ANKH: variants seen among roughly 807,000 people sequenced by gnomAD.
ANKH encodes mineralization regulator ANKH.
Under a neutral mutation model 49.0 loss-of-function variants are expected in ANKH, and 15 were observed. That is an observed-to-expected ratio of 0.31 (90% CI 0.20 to 0.47). ANKH has a LOEUF of 0.47. Ranked by LOEUF, ANKH falls within the 20% of genes least tolerant of loss-of-function variation. The pLI is 1.00. For synonymous variants in ANKH, 273 were observed against 260.0 expected (o/e 1.05, Z -0.48); for missense variants, 429 against 652.0 (o/e 0.66, Z 3.72).
rs555516269 is a variant in ANKH, at chr5:14,777,010, A to C, written c.97-7819T>G. On this transcript the variant is annotated intron_variant, in intron 1 of 11. Transcript: ENST00000284268. ...TAAAAACATATCTGGGGTCGGGTGC[A>C]GTGGCTCACGCCTGTAATCCCAGCA... is the stretch of plus-strand genomic sequence containing the variant. 2.0e-5 allele frequency among the ~76,000 whole-genome samples: 3 copies of C among 152,332 alleles called. No homozygotes were observed. In the South Asian group the frequency reaches 6.2e-4, roughly 32 times the overall value.
intron 8 of ANKH, among the ~76,000 whole-genome samples, chr5:14,721,704 G>A (rs1334043503): frequency 6.6e-6 from 1 of 152,128 alleles, no homozygotes; most frequent in Non-Finnish European, 1.5e-5. Context: ...GCCAAGGTGG[G>A]AGGATCACAA....
In ANKH at chr5:14,705,066, C is replaced by T. The variant is rs1333441758; in HGVS notation, c.*6131G>A. ...TTAGAGACGGGGTTTTGCTCTGTTG[C>T]TCAGGCTGGATTCCAACTCCTGTGC... On this transcript the variant is annotated 3_prime_UTR_variant, in exon 12 of 12. Transcript: ENST00000284268. 6.6e-6 allele frequency: 1 copy of T among 152,150 alleles called. No individual in the cohort carries two copies. The highest frequency in any genetic ancestry group is 1.5e-5 in the Non-Finnish European group (1 of 68,032). The allele number at this position is 152,150 out of a possible 1,614,324, so 9.4% of individuals were successfully genotyped here.
intron 8 of ANKH, among the ~76,000 whole-genome samples, chr5:14,733,551 T>A (rs1561029235): frequency 6.6e-6 from 1 of 152,222 alleles, no homozygotes; most frequent in Admixed American, 6.5e-5. Flanking sequence ...GATATGTTAC[T>A]TCATTAAACT....
At chr5:14,781,140 A>G (rs1365276895) in intron 1 of ANKH, among the ~76,000 whole-genome samples, 1 of 152,096 alleles carries the variant, frequency 6.6e-6, no homozygotes, top group African/African-American at 2.4e-5. Flanking sequence ...GCTTGGGTTA[A>G]ATTGGATCAT....
intron 4 of ANKH, among the ~76,000 whole-genome samples, chr5:14,755,137 A>G (rs1738846028): frequency 6.6e-6 from 1 of 152,174 alleles, no homozygotes; most frequent in South Asian, 2.1e-4. Context: ...TCTATGAAGA[A>G]ATCATTCTCC....
At chr5:14,824,137 T>C (rs918896121) in intron 1 of ANKH, among the ~76,000 whole-genome samples, 1 of 151,972 alleles carries the variant, frequency 6.6e-6, no homozygotes, top group African/African-American at 2.4e-5. Flanking sequence ...AACAATCTGT[T>C]CCCAGCAGGG....
chr5:14,830,529 G>C (rs185687328), intron 1 of ANKH, among the ~76,000 whole-genome samples: 16 of 151,762 alleles, frequency 1.1e-4, no homozygotes, highest in Non-Finnish European at 2.9e-5. Flanking sequence ...GTGTGTGTGT[G>C]TGTGTGTGTC....
intron 1 of ANKH, among the ~76,000 whole-genome samples, chr5:14,785,671 A>G (rs998914486): frequency 4.1e-4 from 62 of 152,342 alleles, no homozygotes; most frequent in African/African-American, 1.4e-3. Flanking sequence ...ATTTTAAAAC[A>G]TCATGTAGGA....
chr5:14,713,802 C>T lies in ANKH; in HGVS notation c.1142-135G>A. On this transcript the variant is annotated intron_variant, in intron 9 of 11. Transcript: ENST00000284268. This position sits in a 1 kb window ranked among gnomAD's most constrained non-coding sequence, Gnocchi z 4.4. ...GGCCTTGCTGTTGAGCCGCTGGCCA[C>T]CTCATCTTCCTGCCAGGGTTCCCCA... 1.6e-6 allele frequency: 2 copies of T among 1,263,868 alleles called. No individual in the cohort carries two copies. The highest frequency in any genetic ancestry group is 2.4e-5 in the East Asian group (1 of 42,474). 78.3% of individuals were successfully genotyped at this position (1,263,868 alleles called of 1,614,324 possible).
chr5:14,817,083 C>T (rs535731281), intron 1 of ANKH, among the ~76,000 whole-genome samples: 2 of 152,242 alleles, frequency 1.3e-5, no homozygotes, highest in African/African-American at 4.8e-5. Context: ...GACATAAGCT[C>T]CCATTTTTCT....
intron 1 of ANKH, among the ~76,000 whole-genome samples, chr5:14,787,511 A>G (rs1338073370): frequency 6.6e-6 from 1 of 152,208 alleles, no homozygotes; most frequent in African/African-American, 2.4e-5. Flanking sequence ...TTTTAGGAGA[A>G]GTGGGATTAA....
At chr5:14,730,263 G>A (rs1737954187) in intron 8 of ANKH, among the ~76,000 whole-genome samples, 1 of 152,178 alleles carries the variant, frequency 6.6e-6, no homozygotes, top group South Asian at 2.1e-4. Flanking sequence ...CTTGCCGGAG[G>A]GGATGATCCT....
At chr5:14,763,858 G>A (rs915066261) in intron 2 of ANKH, among the ~76,000 whole-genome samples, 13 of 152,204 alleles carry the variant, frequency 8.5e-5, no homozygotes, top group African/African-American at 2.7e-4. Flanking sequence ...GGAGGCCGAG[G>A]CGGGTGGATC....
chr5:14,766,999 C>G (rs1350995734), intron 2 of ANKH, among the ~76,000 whole-genome samples: 1 of 152,086 alleles, frequency 6.6e-6, no homozygotes, highest in Non-Finnish European at 1.5e-5. Context: ...TTCAGCATTA[C>G]TAGGAAATGA....
Position 14,725,041 on chromosome 5 carries a change from G to GA in ANKH, c.1012-8207dup, listed in dbSNP as rs891053727. 6.6e-6 allele frequency among the ~76,000 whole-genome samples: 1 copy of GA among 152,018 alleles called. No individual in the cohort carries two copies. The highest frequency in any genetic ancestry group is 1.5e-5 in the Non-Finnish European group (1 of 67,984). Reference sequence around the variant, plus strand: ...TCATTTTTATTTGGCGCTTTTGCTTGAAAAAAAGGTTCAATATACCTTTTT... The same window carrying GA: ...TCATTTTTATTTGGCGCTTTTGCTTGAAAAAAAAGGTTCAATATACCTTTTT... On this transcript the variant is annotated intron_variant, in intron 8 of 11. Coordinates refer to ENST00000284268, the MANE Select transcript of ANKH (RefSeq NM_054027.6). This position sits in a 1 kb window ranked among gnomAD's most constrained non-coding sequence, Gnocchi z 4.0.
At chr5:14,782,494 C>T (rs1340869406) in intron 1 of ANKH, among the ~76,000 whole-genome samples, 1 of 152,136 alleles carries the variant, frequency 6.6e-6, no homozygotes, top group African/African-American at 2.4e-5. Context: ...AAACCCTTTA[C>T]TTTGAATTAG....
chr5:14,834,754 C>T (rs926508616), intron 1 of ANKH, among the ~76,000 whole-genome samples: 2 of 152,200 alleles, frequency 1.3e-5, no homozygotes, highest in Non-Finnish European at 1.5e-5. Flanking sequence ...ACACTCCAGC[C>T]TGGGTGACAG....
At chr5:14,847,393 C>A (rs1741994950) in intron 1 of ANKH, among the ~76,000 whole-genome samples, 1 of 152,192 alleles carries the variant, frequency 6.6e-6, no homozygotes, top group African/African-American at 2.4e-5. Context: ...ATATTGAGTC[C>A]TGACTGTGGG....
At chr5:14,742,113 T>C (rs1273753551) in intron 7 of ANKH, among the ~76,000 whole-genome samples, 191 bp from the exon 8 acceptor site, 2 of 152,208 alleles carry the variant, frequency 1.3e-5, no homozygotes, top group African/African-American at 4.8e-5. Context: ...TACAGGATCA[T>C]TAACCTGAGT....
Sources: allele counts gnomAD v4.1 joint callset (sites outside exome capture counted in the v4.1 genomes callset), GRCh38; gene constraint gnomAD v4.1.1; non-coding constraint Gnocchi (gnomAD v3.1); transcripts MANE v1.5; gene names NCBI Gene and HGNC (gene_info 2026-07-23, HGNC 2026-07-21).